The following DOCK6 variants were observed in gnomAD, a reference collection of about 807,000 sequenced individuals.
DOCK6 encodes dedicator of cytokinesis protein 6.
Under a neutral mutation model 230.3 loss-of-function variants are expected in DOCK6, and 167 were observed. The ratio of observed to expected loss-of-function variants is 0.73; its 90% CI spans 0.64 to 0.82. The LOEUF is 0.82. Ranked by LOEUF, DOCK6 falls within the 40% of genes least tolerant of loss-of-function variation. The pLI is 0.00. For synonymous variants in DOCK6, 1,148 were observed against 1,185.0 expected (o/e 0.97, Z 0.64); for missense variants, 2,598 against 2,825.8 (o/e 0.92, Z 1.83).
intron 8 of DOCK6, 42 bp from the exon 9 acceptor site, chr19:11,245,754 C>G: frequency 6.2e-7 from 1 of 1,604,344 alleles, no homozygotes; most frequent in Non-Finnish European, 8.5e-7. Flanking sequence ...CTCTGGGAAG[C>G]CCACAGCCCC....
intron 1 of DOCK6, among the ~76,000 whole-genome samples, chr19:11,260,885 A>AAAAAAAAAAAAAAAAAG (rs1555698780): frequency 0.13 from 16,285 of 125,524 alleles, 1,962 homozygotes; most frequent in East Asian, 0.26. Flanking sequence ...TCTGTCTCAA[A>AAAAAAAAAAAAAAAAAG]AAAAAAAAAA....
chr19:11,220,629 TA>T (rs1477481876), intron 28 of DOCK6, among the ~76,000 whole-genome samples: 2 of 151,912 alleles, frequency 1.3e-5, no homozygotes, highest in Non-Finnish European at 2.9e-5. Flanking sequence ...ATGTGGTGGA[TA>T]AGAGAGAAAA....
At position 11,233,265 on chromosome 19, in the gene DOCK6, G is replaced by A. The variant is rs1431096553; in HGVS notation, c.2656C>T (p.Pro886Ser). 3.7e-6 allele frequency: 6 copies of A among 1,613,924 alleles called. No homozygotes were observed. The highest frequency in any genetic ancestry group is 5.1e-6 in the Non-Finnish European group (6 of 1,179,874). Reference protein sequence around the residue: ...ARSKSISSSNPDLAVAPGSVD... With the variant: ...ARSKSISSSNSDLAVAPGSVD... Reference sequence around the variant, plus strand: ...GAGCCAGGGGCCACGGCGAGGTCAGGGTTGCTGCTGCTGATGCTCTTGGAA... The same window carrying A: ...GAGCCAGGGGCCACGGCGAGGTCAGAGTTGCTGCTGCTGATGCTCTTGGAA... Residue 886 changes from proline (P) to serine (S), a missense_variant, in exon 22 of 48, where the codon CCT becomes TCT. By Grantham distance (74) the Pro-to-Ser change is moderately conservative (BLOSUM62 -1). Transcript: ENST00000294618.
intron 47 of DOCK6, among the ~76,000 whole-genome samples, chr19:11,199,885 C>T (rs1479473504): frequency 1.3e-5 from 2 of 152,086 alleles, no homozygotes; most frequent in Non-Finnish European, 2.9e-5. Context: ...GGTGGTGGCT[C>T]ATGCTGTAAT....
chr19:11,248,221 C>T, intron 6 of DOCK6, 70 bp from the exon 7 acceptor site: 1 of 1,262,072 alleles, frequency 7.9e-7, no homozygotes, highest in Non-Finnish European at 1.1e-6. Flanking sequence ...TCTGGAATGC[C>T]CAGCCTCAGA....
At position 11,201,848 on chromosome 19, in the gene DOCK6, C is replaced by T; in HGVS notation, c.5688+41G>A. Reference sequence around the variant, plus strand: ...CTCCCCTCCCAGGGTCTGATGTCCCCTCACCTCCCCACCCCCGCCAGGCCC... The same window carrying T: ...CTCCCCTCCCAGGGTCTGATGTCCCTTCACCTCCCCACCCCCGCCAGGCCC... On this transcript the variant is annotated intron_variant, in intron 44 of 47. Coordinates refer to ENST00000294618, the MANE Select transcript of DOCK6 (RefSeq NM_020812.4). The surrounding 1 kb of genome is among the most constrained non-coding windows in gnomAD (Gnocchi z 4.3). 6.9e-7 allele frequency: 1 copy of T among 1,452,552 alleles called. No individual in the cohort carries two copies. The highest frequency in any genetic ancestry group is 9.4e-7 in the Non-Finnish European group (1 of 1,069,208). 90.0% of individuals were successfully genotyped at this position (1,452,552 alleles called of 1,614,324 possible).
rs775763601 is a variant in DOCK6, at chr19:11,243,797, C to T, written c.1104+5G>A. 5.0e-6 allele frequency: 8 copies of T among 1,613,248 alleles called. No homozygotes were observed. Among genetic ancestry groups the T allele is most frequent in the Non-Finnish European group, 5.1e-6 (6 of 1,179,620 alleles). Reference sequence around the variant, plus strand: ...TTGCCCCTAGTCCAGCCTCCACACGCTTACCTTGGCTGTGTCCACTTCTTT... The same window carrying T: ...TTGCCCCTAGTCCAGCCTCCACACGTTTACCTTGGCTGTGTCCACTTCTTT... On this transcript the variant is annotated splice_donor_5th_base_variant and intron_variant, in intron 10 of 47. Coordinates refer to ENST00000294618, the MANE Select transcript of DOCK6 (RefSeq NM_020812.4). The surrounding 1 kb of genome is among the most constrained non-coding windows in gnomAD (Gnocchi z 6.3).
chr19:11,237,668 A>C lies in DOCK6; in HGVS notation c.1944T>G (p.Thr648=). Residue 648 remains threonine (T), a synonymous_variant, in exon 17 of 48, where the codon ACT becomes ACG. Transcript: ENST00000294618. ...TAAAGCCCACGGGTGTCTCCAGGGC[A>C]GTGCCCGGCCGGGGCTGGCAGCTGA... ...YHVSCQPRPG[T]ALETPVGFTW... is the part of the protein sequence containing the mutation. 1 of 1,598,418 alleles carries C rather than the reference A, an allele frequency of 6.3e-7. No homozygotes were observed. The highest frequency in any genetic ancestry group is 8.5e-7 in the Non-Finnish European group (1 of 1,173,228).
At position 11,252,825 on chromosome 19, in the gene DOCK6, G is replaced by T; in HGVS notation, c.266C>A (p.Pro89His). Reference sequence around the variant, plus strand: ...GGGCTCCGTGGTCCGGCATTCCCGGGGCTGCAGCAGCAGCTCCAAGTCATC... The same window carrying T: ...GGGCTCCGTGGTCCGGCATTCCCGGTGCTGCAGCAGCAGCTCCAAGTCATC... ...PADDLELLLQPRECRTTEPGI... is the reference protein window; with the variant it reads ...PADDLELLLQHRECRTTEPGI... Residue 89 changes from proline to histidine, a missense_variant, in exon 3 of 48, where the codon CCC becomes CAC. By Grantham distance (77) the Pro-to-His change is moderately conservative. Coordinates refer to ENST00000294618, the MANE Select transcript of DOCK6 (RefSeq NM_020812.4). 5.0e-6 allele frequency: 8 copies of T among 1,613,410 alleles called. No individual in the cohort carries two copies. The highest frequency in any genetic ancestry group is 5.9e-6 in the Non-Finnish European group (7 of 1,179,638).
chr19:11,248,441 C>T (rs1032469299), intron 6 of DOCK6, among the ~76,000 whole-genome samples: 5 of 151,214 alleles, frequency 3.3e-5, no homozygotes, highest in African/African-American at 9.7e-5. Flanking sequence ...GATGGAGTCT[C>T]GCTCTGTCAC....
Position 11,202,012 on chromosome 19 carries a change from C to A in DOCK6, c.5565G>T (p.Pro1855=). 6.2e-7 allele frequency: 1 copy of A among 1,614,056 alleles called. No homozygotes were observed. The highest frequency in any genetic ancestry group is 8.5e-7 in the Non-Finnish European group (1 of 1,179,910). ...CGTGTGCGCGCCCATCCGGCGTGAACGGCGTGCAGAACAGGAATGTGCGAA... is the reference window on the plus strand; with the variant it reads ...CGTGTGCGCGCCCATCCGGCGTGAAAGGCGTGCAGAACAGGAATGTGCGAA... ...YGLRTFLFCT[P]FTPDGRAHGE... The change falls in exon 44 of 48, where the codon CCG becomes CCT. Residue 1855 remains proline (P), a synonymous_variant. Transcript: ENST00000294618. The surrounding 1 kb of genome is among the most constrained non-coding windows in gnomAD (Gnocchi z 5.3).
intron 28 of DOCK6, among the ~76,000 whole-genome samples, chr19:11,217,956 A>T (rs991687558): frequency 6.6e-6 from 1 of 151,566 alleles, no homozygotes; most frequent in Non-Finnish European, 1.5e-5. Flanking sequence ...GGTTCAAGCA[A>T]TTCTCCTGCC....
At chr19:11,220,318 C>G (rs1242682620) in intron 28 of DOCK6, among the ~76,000 whole-genome samples, 1 of 152,096 alleles carries the variant, frequency 6.6e-6, no homozygotes, top group Non-Finnish European at 1.5e-5. Context: ...AAAGGTAACC[C>G]CCATTCTCTC....
chr19:11,241,942 C>T, intron 14 of DOCK6, 103 bp downstream of exon 14: 5 of 1,427,982 alleles, frequency 3.5e-6, no homozygotes, highest in Non-Finnish European at 4.7e-6. Context: ...CGTGGCATCT[C>T]ACCCAGGGTG....
rs1349786966 is a variant in DOCK6 at position 11,240,313 on chromosome 19, A to G, written c.1643+1732T>C. The G allele has an allele frequency of 3.2e-6, 5 of 1,538,604 alleles. No individual in the cohort carries two copies. In the East Asian group the frequency reaches 7.1e-5, roughly 22 times the overall value. On this transcript the variant is annotated intron_variant, in intron 14 of 47. Transcript: ENST00000294618. ...GTCTTAAAGGTAAGGAGCTCCCCCA[A>G]CCCTAGTGGGCTGAGACCCTGATTT... is the stretch of plus-strand genomic sequence containing the variant.
intron 22 of DOCK6, chr19:11,229,312 G>A: frequency 8.3e-7 from 1 of 1,200,024 alleles, no homozygotes; most frequent in Non-Finnish European, 1.0e-6. Flanking sequence ...TGCACAGTGG[G>A]TCTCAGCTGG....
intron 21 of DOCK6, among the ~76,000 whole-genome samples, chr19:11,234,001 AT>A (rs111453191): frequency 2.4e-3 from 343 of 144,498 alleles, no homozygotes; most frequent in Non-Finnish European, 2.4e-3. Flanking sequence ...TGCTCAGCTA[AT>A]TTTTTTTTTT....
chr19:11,229,372 T>C, intron 22 of DOCK6: 1 of 1,111,684 alleles, frequency 9.0e-7, no homozygotes, highest in South Asian at 3.3e-5. Context: ...GAGGCTCGGC[T>C]AGAGTTGCAG....
Position 11,222,906 on chromosome 19 carries a change from C to A in DOCK6, c.3070-1G>T. Reference sequence around the variant, plus strand: ...GGGACGACTGGAGCCGCGTGGCCACCTGCAGGAGAGGGGTGGCCATCAGTG... The same window carrying A: ...GGGACGACTGGAGCCGCGTGGCCACATGCAGGAGAGGGGTGGCCATCAGTG... On this transcript the variant is annotated splice_acceptor_variant, in intron 25 of 47. Transcript: ENST00000294618. LOFTEE classifies it high-confidence loss of function. This position sits in a 1 kb window ranked among gnomAD's most constrained non-coding sequence, Gnocchi z 4.0. 6.2e-7 allele frequency: 1 copy of A among 1,610,878 alleles called. No homozygotes were observed. The highest frequency in any genetic ancestry group is 1.6e-4 in the Middle Eastern group (1 of 6,062).
Sources: allele counts gnomAD v4.1 joint callset (sites outside exome capture counted in the v4.1 genomes callset), GRCh38; gene constraint gnomAD v4.1.1; non-coding constraint Gnocchi (gnomAD v3.1); transcripts MANE v1.5; gene names NCBI Gene and HGNC (gene_info 2026-07-23, HGNC 2026-07-21).